Variants in GATA1 observed in about 807,000 individuals in gnomAD.
The protein encoded by GATA1 is erythroid transcription factor.
In GATA1, 2 loss-of-function variants were observed where a neutral mutation model predicts 18.9. That is an observed-to-expected ratio of 0.11 (90% CI 0.04 to 0.33). GATA1 has a LOEUF of 0.33. Among genes scored for constraint, GATA1 ranks in the 10% least tolerant of loss-of-function variants. The probability of loss-of-function intolerance (pLI) is 1.00; values close to 1 mark genes in which losing one functional copy is unlikely to be tolerated. For missense variants in GATA1, 272 were observed against 344.7 expected (o/e 0.79, Z 1.67); for synonymous variants, 152 against 149.1 (o/e 1.02, Z -0.14).
chrX:48,788,871 A>G (rs782213465), intron 1 of GATA1, among the ~76,000 whole-genome samples: 1 of 111,125 alleles, frequency 9.0e-6, no homozygotes, highest in Admixed American at 9.6e-5. Context: ...CAGACAAACA[A>G]GCAGGAAGAG....
intron 1 of GATA1, among the ~76,000 whole-genome samples, chrX:48,786,994 T>C (rs1557019325): frequency 9.0e-6 from 1 of 110,513 alleles, no homozygotes; most frequent in African/African-American, 3.3e-5. Context: ...CCCTGTCCCA[T>C]ATCTGATTTC....
intron 4 of GATA1, 145 bp downstream of exon 4, chrX:48,792,613 C>A (rs2062678605): frequency 1.4e-6 from 1 of 720,433 alleles, no homozygotes; most frequent in Non-Finnish European, 2.1e-6. Context: ...GAACCCCTGT[C>A]CCAATATCAC....
Position 48,794,258 on chromosome X carries a change from C to A in GATA1, c.*94C>A. On this transcript the variant is annotated 3_prime_UTR_variant, in exon 6 of 6. Transcript: ENST00000376670. ...CCCAAGTCTCTGGGCCCCAGGCACCCCCTGGCTTGAACCTTCAAAGCTTTT... is the reference window on the plus strand; with the variant it reads ...CCCAAGTCTCTGGGCCCCAGGCACCACCTGGCTTGAACCTTCAAAGCTTTT... The A allele has an allele frequency of 9.5e-7, 1 of 1,054,970 alleles. No individual in the cohort carries two copies. Among genetic ancestry groups the A allele is most frequent in the Non-Finnish European group, 1.3e-6 (1 of 775,029 alleles). The allele number at this position is 1,054,970 out of a possible 1,213,427, so 86.9% of individuals were successfully genotyped here. A position where few individuals can be genotyped will look rare whatever the true frequency, so the allele number is the denominator to read the frequency against.
At chrX:48,793,563 C>A (rs367937634) in intron 5 of GATA1, among the ~76,000 whole-genome samples, 76 of 106,872 alleles carry the variant, frequency 7.1e-4, no homozygotes, top group African/African-American at 2.4e-3. Flanking sequence ...CTCTCCCCCA[C>A]CTCCAGGCAT....
At position 48,794,218 on chromosome X, in the gene GATA1, C is replaced by T; in HGVS notation, c.*54C>T. The T allele has an allele frequency of 8.4e-7, 1 of 1,187,583 alleles. No individual in the cohort carries two copies. Among genetic ancestry groups the T allele is most frequent in the Non-Finnish European group, 1.1e-6 (1 of 879,458 alleles). On this transcript the variant is annotated 3_prime_UTR_variant, in exon 6 of 6. Transcript: ENST00000376670. ...GGTGGTGTCCTTCTCCTCTTGTAGCCAGAATTCTGGACAACCCAAGTCTCT... is the reference window on the plus strand; with the variant it reads ...GGTGGTGTCCTTCTCCTCTTGTAGCTAGAATTCTGGACAACCCAAGTCTCT...
At position 48,793,211 on chromosome X, in the gene GATA1, C is replaced by A; in HGVS notation, c.784C>A (p.Gln262Lys). ...KRAGTQCTNCQTTTTTLWRRN... is the reference protein window; with the variant it reads ...KRAGTQCTNCKTTTTTLWRRN... ...GGCAGGTACTCAGTGCACCAACTGC[C>A]AGACGACCACCACGACACTGTGGCG... Residue 262 changes from glutamine (Q) to lysine (K), a missense_variant, in exon 5 of 6, where the codon CAG becomes AAG. Physicochemically the swap from Gln to Lys is moderately conservative, Grantham distance 53 (BLOSUM62 1). Coordinates refer to ENST00000376670, the MANE Select transcript of GATA1 (RefSeq NM_002049.4). 1 of 1,210,065 alleles carries A rather than the reference C, an allele frequency of 8.3e-7. No individual in the cohort carries two copies. Among genetic ancestry groups the A allele is most frequent in the Non-Finnish European group, 1.1e-6 (1 of 894,329 alleles).
intron 1 of GATA1, among the ~76,000 whole-genome samples, chrX:48,790,843 G>T (rs1264186087): frequency 1.0e-5 from 1 of 99,663 alleles, no homozygotes; most frequent in Non-Finnish European, 2.0e-5. Context: ...GGAGGAAGAT[G>T]AAAGGAGGGG....
chrX:48,793,308 GC>G lies in GATA1; in HGVS notation c.870+15del. On this transcript the variant is annotated intron_variant, in intron 5 of 5. Transcript: ENST00000376670. ...TACAAGCTACACCAGGTGACGCCCT[GC>G]CCCTTGGAGCCACCCCTCTGCTTTC... The G allele has an allele frequency of 8.3e-7, 1 of 1,208,233 alleles. No homozygotes were observed. The highest frequency in any genetic ancestry group is 1.1e-6 in the Non-Finnish European group (1 of 893,862).
At position 48,794,256 on chromosome X, in the gene GATA1, C is replaced by A. The variant is rs1557020692; in HGVS notation, c.*92C>A. The A allele has an allele frequency of 9.4e-7, 1 of 1,062,657 alleles. No individual in the cohort carries two copies. Among genetic ancestry groups the A allele is most frequent in the Non-Finnish European group, 1.3e-6 (1 of 780,420 alleles). The allele number at this position is 1,062,657 out of a possible 1,213,427, so 87.6% of individuals were successfully genotyped here. On this transcript the variant is annotated 3_prime_UTR_variant, in exon 6 of 6. Transcript: ENST00000376670. ...AACCCAAGTCTCTGGGCCCCAGGCA[C>A]CCCCTGGCTTGAACCTTCAAAGCTT...
At chrX:48,790,947 GA>G (rs2062672423) in intron 1 of GATA1, 143 bp from the exon 2 acceptor site, 15 of 460,121 alleles carry the variant, frequency 3.3e-5, no homozygotes, top group Middle Eastern at 1.1e-3. Flanking sequence ...AGGTGAGGAG[GA>G]GGGGGGAATG....
At chrX:48,790,435 G>C (rs1241187224) in intron 1 of GATA1, among the ~76,000 whole-genome samples, 1 of 110,924 alleles carries the variant, frequency 9.0e-6, no homozygotes, top group East Asian at 2.9e-4. Flanking sequence ...TGGCAACAGA[G>C]GAGACCCTGC....
rs782536159 is a variant in GATA1, at chrX:48,792,224, G to A, written c.598+3G>A. 12 of 1,209,540 alleles carry A rather than the reference G, an allele frequency of 9.9e-6. No individual in the cohort carries two copies. The highest frequency in any genetic ancestry group is 2.3e-4 in the Middle Eastern group (1 of 4,377). ...AACTCTCCCCCTGCCTCCCTGTGGT[G>A]AGAAATTCAAAAAAGGACAGGGAAG... On this transcript the variant is annotated splice_donor_region_variant and intron_variant, in intron 3 of 5. Transcript: ENST00000376670.
At chrX:48,792,294 G>A (rs1557020290) in intron 3 of GATA1, 29 bp from the exon 4 acceptor site, 1 of 1,211,767 alleles carries the variant, frequency 8.3e-7, no homozygotes. Context: ...GCTGAGCCTA[G>A]CTCCCTCTTC....
rs782231862 is a variant in GATA1, at chrX:48,791,807, G to A, written c.221-37G>A. ...CGTGCGCTGACCCTAGACTGATTTT[G>A]CCTCTTCTTTCCTCCATCCCTACCT... is the stretch of plus-strand genomic sequence containing the variant. On this transcript the variant is annotated intron_variant, in intron 2 of 5. Transcript: ENST00000376670. 3.3e-6 allele frequency: 4 copies of A among 1,207,456 alleles called. No individual in the cohort carries two copies. In the South Asian group the frequency reaches 7.0e-5, roughly 21 times the overall value.
At chrX:48,793,557 C>T (rs2147307364) in intron 5 of GATA1, among the ~76,000 whole-genome samples, 1 of 106,312 alleles carries the variant, frequency 9.4e-6, no homozygotes, top group East Asian at 3.0e-4. Context: ...CCTCTCCTCT[C>T]CCCCACCTCC....
chrX:48,787,548 G>C (rs1215629234), intron 1 of GATA1, among the ~76,000 whole-genome samples: 1 of 110,937 alleles, frequency 9.0e-6, no homozygotes, highest in Non-Finnish European at 1.9e-5. Flanking sequence ...ATGACCCTCA[G>C]AATCTGACTC....
intron 2 of GATA1, 143 bp from the exon 3 acceptor site, chrX:48,791,701 C>T (rs1557020134): frequency 1.4e-6 from 1 of 691,191 alleles, no homozygotes. Flanking sequence ...CATCCAATGG[C>T]CAGCAGCTGT....
At chrX:48,789,363 T>C (rs1557019630) in intron 1 of GATA1, among the ~76,000 whole-genome samples, 1 of 107,388 alleles carries the variant, frequency 9.3e-6, no homozygotes, top group African/African-American at 3.4e-5. Context: ...AGCTATATCA[T>C]AGAAACACAG....
Position 48,793,686 on chromosome X carries a change from C to T in GATA1, c.871-107C>T, listed in dbSNP as rs1557020535. The stretch of plus-strand genomic sequence containing the variant: ...GGATTCCTTGGACAATCTCAGCACC[C>T]AAAAATTATCTTACCCTGAAAGAAG... On this transcript the variant is annotated intron_variant, in intron 5 of 5. Coordinates refer to ENST00000376670, the MANE Select transcript of GATA1 (RefSeq NM_002049.4). 3.6e-6 allele frequency: 4 copies of T among 1,096,566 alleles called. No individual in the cohort carries two copies. The African/African-American group carries it at 7.4e-5, about 20-fold the overall frequency. 90.4% of individuals were successfully genotyped at this position (1,096,566 alleles called of 1,213,427 possible). A position where few individuals can be genotyped will look rare whatever the true frequency, so the allele number is the denominator to read the frequency against.
Sources: gnomAD v4.1 joint callset for allele counts (sites outside exome capture counted in the v4.1 genomes callset) on GRCh38, gnomAD v4.1.1 for gene constraint, MANE v1.5 for transcripts, NCBI Gene and HGNC (gene_info 2026-07-23, HGNC 2026-07-21) for gene names.